SLX9: variants seen among roughly 807,000 people sequenced by gnomAD.
The protein encoded by SLX9 is ribosome biogenesis protein SLX9 homolog.
A neutral mutation model predicts 20.8 loss-of-function variants in SLX9; 19 were observed. The observed-to-expected ratio is 0.91, with a 90% CI of 0.64 to 1.34. The LOEUF (loss-of-function observed/expected upper bound fraction) is 1.34. SLX9 is among the 40% of genes most tolerant of loss of function. SLX9 has a pLI of 0.00. For missense variants in SLX9, 299 were observed against 322.2 expected, an observed-to-expected ratio of 0.93 and a Z score of 0.55; for synonymous variants, 113 against 137.1, an observed-to-expected ratio of 0.82 and a Z score of 1.23.
intron 2 of SLX9, among the ~76,000 whole-genome samples, chr21:44,953,432 T>TTGGGCACCATCCC (rs1235705406): frequency 2.2e-4 from 34 of 152,188 alleles, no homozygotes; most frequent in African/African-American, 7.5e-4. Context: ...AGCCACTCCC[T>TTGGGCACCATCCC]CGGGCACCAT....
rs764163037 is a variant in SLX9 at position 44,940,034 on chromosome 21, C to T, written c.-24C>T. ...ACCAGCTTCCGGGAGGCGCTCCGCA[C>T]GTTTGCCGTGCTCCGCCGGGAAGAT... On this transcript the variant is annotated 5_prime_UTR_variant, in exon 1 of 6. It adds an upstream start codon to the 5' untranslated region. Transcript: ENST00000291634. The T allele has an allele frequency of 1.4e-5, 20 of 1,419,070 alleles. No individual in the cohort carries two copies. The highest frequency in any genetic ancestry group is 3.0e-5 in the East Asian group (1 of 33,514). The allele number at this position is 1,419,070 out of a possible 1,614,324, so 87.9% of individuals were successfully genotyped here. A position where few individuals can be genotyped will look rare whatever the true frequency, so the allele number is the denominator to read the frequency against.
At chr21:44,940,985 T>A (rs1322755261) in intron 1 of SLX9, among the ~76,000 whole-genome samples, 4 of 149,050 alleles carry the variant, frequency 2.7e-5, no homozygotes, top group Non-Finnish European at 5.9e-5. Flanking sequence ...TCAAGTTTAC[T>A]GATGTTCTGC....
At chr21:44,949,211 C>T (rs915058649) in intron 2 of SLX9, among the ~76,000 whole-genome samples, 6 of 152,176 alleles carry the variant, frequency 3.9e-5, no homozygotes, top group African/African-American at 1.4e-4. Context: ...TGCTCCCGCT[C>T]CTGCTGGCTC....
intron 2 of SLX9, among the ~76,000 whole-genome samples, chr21:44,953,867 C>G (rs1200379449): frequency 6.6e-6 from 1 of 152,226 alleles, no homozygotes; most frequent in African/African-American, 2.4e-5. Flanking sequence ...GGCCGCACCC[C>G]AAGGCCTTGC....
In SLX9 at chr21:44,967,725, GT is replaced by G. The variant is rs141990064; in HGVS notation, c.500+545del. Among the ~76,000 whole-genome samples, 1,484 of 152,316 alleles carry G rather than the reference GT, an allele frequency of 9.7e-3. 34 individuals carry two copies. Among genetic ancestry groups the G allele is most frequent in the African/African-American group, 0.033 (1,392 of 41,568 alleles). On this transcript the variant is annotated intron_variant, in intron 4 of 5. Coordinates refer to ENST00000291634, the MANE Select transcript of SLX9 (RefSeq NM_058190.4). Reference sequence around the variant, plus strand: ...CCCGTGAGGACGGCTCAGGCCTGCTGTCGGGTGTGGTGAGCGTGTGGGACCC... The same window carrying G: ...CCCGTGAGGACGGCTCAGGCCTGCTGCGGGTGTGGTGAGCGTGTGGGACCC...
chr21:44,950,529 G>A (rs981310037), intron 2 of SLX9, among the ~76,000 whole-genome samples: 14 of 152,328 alleles, frequency 9.2e-5, no homozygotes, highest in East Asian at 3.9e-4. Context: ...CGTGCCAGCC[G>A]GTATGTTGGG....
chr21:44,964,852 G>C (rs781085671), intron 3 of SLX9, among the ~76,000 whole-genome samples: 1 of 152,084 alleles, frequency 6.6e-6, no homozygotes, highest in Non-Finnish European at 1.5e-5. Context: ...ATTCCTCTTT[G>C]TTTTTAGTAT....
At chr21:44,947,886 G>C (rs2084672786) in intron 2 of SLX9, among the ~76,000 whole-genome samples, 1 of 152,236 alleles carries the variant, frequency 6.6e-6, no homozygotes, top group Non-Finnish European at 1.5e-5. Context: ...GCATGCAGGG[G>C]CTTTGCGGCA....
chr21:44,943,965 C>T (rs2084597294), intron 2 of SLX9, 128 bp downstream of exon 2: 1 of 1,338,114 alleles, frequency 7.5e-7, no homozygotes, highest in South Asian at 1.4e-5. Context: ...AAGGGATGCC[C>T]CTGGCTGTTT....
rs370556723 is a variant in SLX9, at chr21:44,943,664, G to T, written c.130-20G>T. ...AGTCTCACACCTCTTCTTTTCGTCC[G>T]TTTTTGTTGGGGACATTAGGACTGG... On this transcript the variant is annotated intron_variant, in intron 1 of 5. Coordinates refer to ENST00000291634, the MANE Select transcript of SLX9 (RefSeq NM_058190.4). 3 of 1,611,500 alleles carry T rather than the reference G, an allele frequency of 1.9e-6. No individual in the cohort carries two copies. The highest frequency in any genetic ancestry group is 2.5e-6 in the Non-Finnish European group (3 of 1,177,888).
chr21:44,968,753 CTTTTT>C (rs35304604), intron 4 of SLX9, among the ~76,000 whole-genome samples: 2 of 132,948 alleles, frequency 1.5e-5, no homozygotes, highest in Non-Finnish European at 1.6e-5. Context: ...CATCTCTGTG[CTTTTT>C]TTTTTTTTTT....
chr21:44,953,994 G>A (rs1050707820), intron 2 of SLX9, among the ~76,000 whole-genome samples: 2 of 152,176 alleles, frequency 1.3e-5, no homozygotes, highest in African/African-American at 4.8e-5. Context: ...GGCCTTTGAC[G>A]TGTTTCTCTT....
At chr21:44,973,005 G>C in intron 4 of SLX9, 192 bp from the exon 5 acceptor site, 1 of 692,784 alleles carries the variant, frequency 1.4e-6, no homozygotes, top group East Asian at 2.7e-5. Flanking sequence ...AGGACGGTCA[G>C]GCAGTTGCAC....
intron 5 of SLX9, among the ~76,000 whole-genome samples, chr21:44,976,199 G>A (rs2085258638): frequency 6.6e-6 from 1 of 152,250 alleles, no homozygotes; most frequent in Non-Finnish European, 1.5e-5. Context: ...GGGTGAGCTG[G>A]TGCCATGCTG....
intron 3 of SLX9, among the ~76,000 whole-genome samples, chr21:44,965,570 C>T (rs1422669427): frequency 6.6e-6 from 1 of 152,194 alleles, no homozygotes; most frequent in African/African-American, 2.4e-5. Context: ...GTGAATTGTG[C>T]AGAATCCTCT....
At chr21:44,949,161 C>T (rs945377198) in intron 2 of SLX9, among the ~76,000 whole-genome samples, 4 of 152,194 alleles carry the variant, frequency 2.6e-5, no homozygotes, top group Admixed American at 1.3e-4. Flanking sequence ...GGTAAGAGTG[C>T]AGAGAGGCCA....
At chr21:44,960,033 C>A in intron 2 of SLX9, 67 bp from the exon 3 acceptor site, 1 of 1,420,030 alleles carries the variant, frequency 7.0e-7, no homozygotes, top group Non-Finnish European at 1.0e-6. Flanking sequence ...CCCGCCCCAG[C>A]CCATTCTCAG....
intron 2 of SLX9, among the ~76,000 whole-genome samples, chr21:44,951,380 G>C (rs1469595253): frequency 1.3e-5 from 2 of 152,086 alleles, no homozygotes; most frequent in Non-Finnish European, 2.9e-5. Flanking sequence ...GGAAGCAGGG[G>C]GACAGGCTGT....
chr21:44,972,855 C>T (rs562859193), intron 4 of SLX9, among the ~76,000 whole-genome samples: 24 of 151,978 alleles, frequency 1.6e-4, no homozygotes, highest in African/African-American at 4.8e-4. Context: ...TATCGTGAGA[C>T]GTGTTCCTGG....
Sources: gnomAD v4.1 joint callset for allele counts (sites outside exome capture counted in the v4.1 genomes callset) on GRCh38, gnomAD v4.1.1 for gene constraint, MANE v1.5 for transcripts, NCBI Gene and HGNC (gene_info 2026-07-23, HGNC 2026-07-21) for gene names.